Variants in RRH observed in about 807,000 individuals in gnomAD.
RRH encodes the protein retinal pigment epithelium-derived rhodopsin homolog.
RRH carries 36 observed loss-of-function variants against 33.1 expected under a neutral mutation model. The observed-to-expected ratio is 1.09, with a 90% CI of 0.83 to 1.44. The LOEUF (loss-of-function observed/expected upper bound fraction) is 1.44. Among genes scored for constraint, RRH ranks in the 40% most tolerant of loss-of-function variants. The pLI is 0.00. For missense variants in RRH, 393 were observed against 420.2 expected (o/e 0.94, Z 0.57); for synonymous variants, 124 against 140.2 (o/e 0.88, Z 0.82).
chr4:109,832,522 G>GTGTT (rs1186153115), intron 1 of RRH, among the ~76,000 whole-genome samples: 1 of 150,674 alleles, frequency 6.6e-6, no homozygotes, highest in Admixed American at 6.6e-5. Context: ...GTGTGTGTGT[G>GTGTT]TGTGTGTGTG....
intron 6 of RRH, 132 bp downstream of exon 6, chr4:109,842,779 G>A (rs984579657): frequency 1.3e-6 from 1 of 765,602 alleles, no homozygotes; most frequent in Non-Finnish European, 2.2e-6. Flanking sequence ...TGTGACTGGA[G>A]CAGCATCTAG....
intron 2 of RRH, 25 bp downstream of exon 2, chr4:109,833,354 G>A (rs912337599): frequency 4.5e-6 from 7 of 1,570,054 alleles, no homozygotes; most frequent in Admixed American, 3.4e-5. Context: ...TGGAATGAAA[G>A]CAAAATAAAT....
intron 4 of RRH, among the ~76,000 whole-genome samples, chr4:109,836,702 A>G (rs879547647): frequency 2.1e-4 from 32 of 152,182 alleles, no homozygotes; most frequent in Admixed American, 3.9e-4. Flanking sequence ...GAAGGATGAC[A>G]TAAACATGAA....
intron 6 of RRH, 122 bp downstream of exon 6, chr4:109,842,769 T>G (rs1326515521): frequency 3.5e-6 from 3 of 868,310 alleles, no homozygotes; most frequent in East Asian, 2.6e-5. Flanking sequence ...ATTTGCCTCA[T>G]GTGACTGGAG....
intron 1 of RRH, among the ~76,000 whole-genome samples, chr4:109,832,931 ATTCT>A (rs1733789668): frequency 6.6e-6 from 1 of 152,174 alleles, no homozygotes; most frequent in East Asian, 1.9e-4. Flanking sequence ...CAATTACCAG[ATTCT>A]TTGTGTTTTA....
chr4:109,829,172 T>C (rs970098906), intron 1 of RRH, among the ~76,000 whole-genome samples: 5 of 3,114 alleles, frequency 1.6e-3, no homozygotes, highest in African/African-American at 4.9e-3. Flanking sequence ...CTATACCCAG[T>C]TTATAATTGT....
chr4:109,843,936 G>T (rs900260184), intron 6 of RRH, 147 bp from the exon 7 acceptor site: 19 of 638,940 alleles, frequency 3.0e-5, no homozygotes, highest in African/African-American at 1.1e-4. Context: ...ATTTATAAAG[G>T]TTCTCAACAG....
At chr4:109,836,619 T>C (rs1275317260) in intron 4 of RRH, among the ~76,000 whole-genome samples, 4 of 152,184 alleles carry the variant, frequency 2.6e-5, no homozygotes. Flanking sequence ...ACTGCAAAGA[T>C]TTGCCTGCTA....
chr4:109,834,545 G>A (rs1157881862), intron 2 of RRH, among the ~76,000 whole-genome samples: 6 of 144,408 alleles, frequency 4.2e-5, no homozygotes, highest in Admixed American at 2.8e-4. Context: ...GAGTTTCATC[G>A]TGTTAGCCAG....
rs1252161563 is a variant in RRH at position 109,842,627 on chromosome 4, T to G, written c.879T>G (p.Ile293Met). The G allele has an allele frequency of 1.2e-6, 2 of 1,613,842 alleles. No homozygotes were observed. The highest frequency in any genetic ancestry group is 1.1e-5 in the South Asian group (1 of 91,064). The change falls in exon 6 of 7, where the codon ATT becomes ATG. Residue 293 changes from isoleucine (I) to methionine (M), a missense_variant. Physicochemically the swap from Ile to Met is conservative, Grantham distance 10. Transcript: ENST00000317735. The part of the protein sequence containing the change: ...AKSSTFYNPC[I>M]YVVANKKFRR... ...CTTCTACATTCTATAACCCCTGCATTTATGTGGTTGCTAATAAAAAGTAAG... is the reference window on the plus strand; with the variant it reads ...CTTCTACATTCTATAACCCCTGCATGTATGTGGTTGCTAATAAAAAGTAAG...
chr4:109,828,274 TG>T lies in RRH; in HGVS notation c.106+143del. 7.8e-6 allele frequency: 5 copies of T among 637,792 alleles called. No homozygotes were observed. In the East Asian group the frequency reaches 1.5e-4, roughly 19 times the overall value. The allele number at this position is 637,792 out of a possible 1,614,324, so 39.5% of individuals were successfully genotyped here. On this transcript the variant is annotated intron_variant, in intron 1 of 6. Coordinates refer to ENST00000317735, the MANE Select transcript of RRH (RefSeq NM_006583.5). The stretch of plus-strand genomic sequence containing the variant: ...ATTTATCCTGACTTGGCTTGCTCGT[TG>T]GTAAATGAGGATGATGATACTCTAT...
intron 5 of RRH, among the ~76,000 whole-genome samples, chr4:109,840,802 T>C (rs1312101044): frequency 1.3e-5 from 2 of 152,018 alleles, no homozygotes; most frequent in Non-Finnish European, 2.9e-5. Context: ...TGGTCAGTGA[T>C]TGTCCCTTCA....
At chr4:109,842,870 C>G (rs1475692549) in intron 6 of RRH, among the ~76,000 whole-genome samples, 1 of 152,122 alleles carries the variant, frequency 6.6e-6, no homozygotes, top group Admixed American at 6.5e-5. Flanking sequence ...AACCCCAGAC[C>G]CAAGTTCTAC....
At position 109,829,837 on chromosome 4, in the gene RRH, G is replaced by A. The variant is rs1442567654; in HGVS notation, c.106+1704G>A. Among the ~76,000 whole-genome samples, 3 of 152,120 alleles carry A rather than the reference G, an allele frequency of 2.0e-5. No individual in the cohort carries two copies. In the South Asian group the frequency reaches 6.2e-4, roughly 31 times the overall value. On this transcript the variant is annotated intron_variant, in intron 1 of 6. Transcript: ENST00000317735. ...AGTGTGTGTTGTTTGTGTTTCTGGT[G>A]GATCCACTGAAGGAAGCATAGCTGA...
intron 5 of RRH, among the ~76,000 whole-genome samples, chr4:109,838,024 C>T (rs1327974594): frequency 2.0e-5 from 3 of 152,216 alleles, no homozygotes; most frequent in Non-Finnish European, 4.4e-5. Flanking sequence ...AGGCGATCCA[C>T]CTGCCTTGGC....
In RRH at chr4:109,844,076, A is replaced by T; in HGVS notation, c.900-7A>T. 6.3e-7 allele frequency: 1 copy of T among 1,598,778 alleles called. No individual in the cohort carries two copies. The highest frequency in any genetic ancestry group is 8.6e-7 in the Non-Finnish European group (1 of 1,166,344). On this transcript the variant is annotated splice_region_variant and splice_polypyrimidine_tract_variant and intron_variant, in intron 6 of 6. Transcript: ENST00000317735. ...GTTAATGCCAGATTTTCCTTTTTTT[A>T]TCGTAGGTTTCGGAGGGCAATGCTT...
At position 109,837,420 on chromosome 4, in the gene RRH, C is replaced by A. The variant is rs369315436; in HGVS notation, c.552-17C>A. ...GACATTAAATGAGCAATCATGATTG[C>A]CTTTTCTTATTTTCAGATCTTTTGT... On this transcript the variant is annotated splice_polypyrimidine_tract_variant and intron_variant, in intron 4 of 6. Coordinates refer to ENST00000317735, the MANE Select transcript of RRH (RefSeq NM_006583.5). 329 of 1,611,388 alleles carry A rather than the reference C, an allele frequency of 2.0e-4. 2 individuals are homozygous for A. In the African/African-American group the frequency reaches 4.2e-3, roughly 21 times the overall value.
At position 109,839,525 on chromosome 4, in the gene RRH, C is replaced by T. The variant is rs190242550; in HGVS notation, c.720+1920C>T. On this transcript the variant is annotated intron_variant, in intron 5 of 6. Coordinates refer to ENST00000317735, the MANE Select transcript of RRH (RefSeq NM_006583.5). ...CGTGTAGGTTTGTTACATAGGTAAA[C>T]GTGTGCCATGGTGGTTTGCTGCACA... Among the ~76,000 whole-genome samples the T allele has an allele frequency of 3.0e-3, 462 of 152,066 alleles. 1 individual carries two copies. The highest frequency in any genetic ancestry group is 5.6e-3 in the South Asian group (27 of 4,812).
intron 4 of RRH, among the ~76,000 whole-genome samples, chr4:109,836,601 G>C (rs1733889626): frequency 6.6e-6 from 1 of 152,190 alleles, no homozygotes; most frequent in Non-Finnish European, 1.5e-5. Flanking sequence ...CGTAGCAAAA[G>C]CACAGTCACT....
Sources: allele counts gnomAD v4.1 joint callset (sites outside exome capture counted in the v4.1 genomes callset), GRCh38; gene constraint gnomAD v4.1.1; transcripts MANE v1.5; gene names NCBI Gene and HGNC (gene_info 2026-07-23, HGNC 2026-07-21).